Variants in ASTE1 observed in about 807,000 individuals in gnomAD.
ASTE1 encodes the protein asteroid structure-specific endonuclease 1, also known as single-strand DNA endonuclease ASTE1.
Under a neutral mutation model 45.8 loss-of-function variants are expected in ASTE1, and 49 were observed. The observed-to-expected ratio is 1.07, with a 90% CI of 0.85 to 1.36. The LOEUF (loss-of-function observed/expected upper bound fraction) is 1.36. ASTE1 is among the 40% of genes most tolerant of loss of function. The probability of loss-of-function intolerance (pLI) is 0.00; values close to 1 mark genes in which losing one functional copy is unlikely to be tolerated. For missense variants in ASTE1, 709 were observed against 804.0 expected (o/e 0.88, Z 1.43); for synonymous variants, 296 against 303.9 (o/e 0.97, Z 0.27).
intron 3 of ASTE1, among the ~76,000 whole-genome samples, chr3:131,022,921 A>G (rs2063762870): frequency 6.6e-6 from 1 of 152,108 alleles, no homozygotes; most frequent in Non-Finnish European, 1.5e-5. Flanking sequence ...TTTCCTGTGC[A>G]CTGTAAGACT....
Position 131,019,024 on chromosome 3 carries a change from A to G in ASTE1, c.1303-308T>C, listed in dbSNP as rs73871746. Among the ~76,000 whole-genome samples, 1,391 of 152,290 alleles carry G rather than the reference A, an allele frequency of 9.1e-3. 15 individuals carry two copies. The highest frequency in any genetic ancestry group is 0.027 in the African/African-American group (1,102 of 41,560). Reference sequence around the variant, plus strand: ...ACCTGGGAAGCTCATTAAAAATTCAATCCTTAGGCCCTACTCCATAAATTT... The same window carrying G: ...ACCTGGGAAGCTCATTAAAAATTCAGTCCTTAGGCCCTACTCCATAAATTT... On this transcript the variant is annotated intron_variant, in intron 3 of 5. Coordinates refer to ENST00000264992, the MANE Select transcript of ASTE1 (RefSeq NM_014065.4).
chr3:131,014,105 TAAC>T lies in ASTE1; in HGVS notation c.1989_1991del (p.Leu664del), dbSNP rs1311204323. ...TATGTTCCTCTAAGTTTTCAACCAT[TAAC>T]AACCCAAACCGGTTGTTTCCCTCAT... is the stretch of plus-strand genomic sequence containing the variant. On this transcript the variant is annotated inframe_deletion, in exon 6 of 6. Transcript: ENST00000264992. 1 of 1,606,120 alleles carries T rather than the reference TAAC, an allele frequency of 6.2e-7. No individual in the cohort carries two copies. The highest frequency in any genetic ancestry group is 8.5e-7 in the Non-Finnish European group (1 of 1,178,138).
At chr3:131,022,216 A>G (rs373969939) in intron 3 of ASTE1, among the ~76,000 whole-genome samples, 1 of 152,234 alleles carries the variant, frequency 6.6e-6, no homozygotes, top group Non-Finnish European at 1.5e-5. Context: ...TGGAATTATT[A>G]TAAGAAAGAC....
Position 131,025,120 on chromosome 3 carries a change from A to G in ASTE1, c.187T>C (p.Phe63Leu). The change falls in exon 3 of 6, where the codon TTC becomes CTC. Residue 63 changes from phenylalanine to leucine, a missense_variant. Transcript: ENST00000264992. ...TTACAAGCAAACAGTGATTCAAAGA[A>G]TTTTTGTACAACATCTGCAAAAGAA... is the stretch of plus-strand genomic sequence containing the variant. Reference protein sequence around the residue: ...YDSFADVVQKFFESLFACNIC... With the variant: ...YDSFADVVQKLFESLFACNIC... 6.2e-7 allele frequency: 1 copy of G among 1,614,174 alleles called. No homozygotes were observed. The highest frequency in any genetic ancestry group is 8.5e-7 in the Non-Finnish European group (1 of 1,180,026).
Position 131,024,366 on chromosome 3 carries a change from G to T in ASTE1, c.941C>A (p.Thr314Asn). The T allele has an allele frequency of 6.2e-7, 1 of 1,614,234 alleles. No homozygotes were observed. Among genetic ancestry groups the T allele is most frequent in the Non-Finnish European group, 8.5e-7 (1 of 1,180,044 alleles). The change falls in exon 3 of 6, where the codon ACT becomes AAT. Residue 314 changes from threonine (T) to asparagine (N), a missense_variant. By Grantham distance (65) the Thr-to-Asn change is moderately conservative. Transcript: ENST00000264992. ...ATTCAAGGCATCTGGACAGACATAA[G>T]TACCACACTGGAAGAAGTCCTGTAG... ...VKLQDFFQCG[T>N]YVCPDALNLG... is the part of the protein sequence containing the mutation.
In ASTE1 at chr3:131,018,635, G is replaced by T. The variant is rs775345305; in HGVS notation, c.1384C>A (p.Leu462Met). The T allele has an allele frequency of 5.1e-5, 83 of 1,613,998 alleles. No homozygotes were observed. In the East Asian group the frequency reaches 1.6e-3, roughly 32 times the overall value. ...CAACTGACAGCAATGGGCAACTTCA[G>T]TGAAGTAGGGATTGGCTCCAGAATG... ...QTILEPIPTS[L>M]KLPIAVSCYW... The change falls in exon 4 of 6, where the codon CTG becomes ATG. Residue 462 changes from leucine (L) to methionine (M), a missense_variant. Coordinates refer to ENST00000264992, the MANE Select transcript of ASTE1 (RefSeq NM_014065.4).
chr3:131,018,294 A>C (rs2063692052), intron 4 of ASTE1, among the ~76,000 whole-genome samples: 1 of 152,258 alleles, frequency 6.6e-6, no homozygotes, highest in Non-Finnish European at 1.5e-5. Flanking sequence ...CTGTATACTT[A>C]AGATTCAAGC....
At chr3:131,021,970 C>T (rs1340470286) in intron 3 of ASTE1, among the ~76,000 whole-genome samples, 2 of 152,086 alleles carry the variant, frequency 1.3e-5, no homozygotes, top group Non-Finnish European at 2.9e-5. Flanking sequence ...TAATAAATCC[C>T]TTGTTTGAGA....
In ASTE1 at chr3:131,014,261, C is replaced by A. The variant is rs1422207542; in HGVS notation, c.1836G>T (p.Arg612Ser). 1.2e-6 allele frequency: 2 copies of A among 1,613,688 alleles called. No individual in the cohort carries two copies. The highest frequency in any genetic ancestry group is 2.7e-5 in the African/African-American group (2 of 74,808). ...GGAATATTTCAGCGGGGGCATATGA[C>A]CTTGTGGCATTGAATAGATATTCAT... Reference protein sequence around the residue: ...QLYEYLFNATRSYAPAEIFLP... With the variant: ...QLYEYLFNATSSYAPAEIFLP... Residue 612 changes from arginine (R) to serine (S), a missense_variant, in exon 6 of 6, where the codon AGG (arginine) becomes AGT (serine). Physicochemically the swap from Arg to Ser is moderately radical, Grantham distance 110. Transcript: ENST00000264992.
Position 131,018,528 on chromosome 3 carries a change from C to T in ASTE1, c.1491G>A (p.Leu497=). The change falls in exon 4 of 6, where the codon TTG becomes TTA. Residue 497 remains leucine, a synonymous_variant. Transcript: ENST00000264992. ...SLLLTMLVGP[L]IAIINSPGKE... is the part of the protein sequence containing the mutation. ...TACCAGGGCTGTTGATTATGGCAAT[C>T]AAGGGCCCCACTAGCATTGTGAGCA... 1 of 1,613,990 alleles carries T rather than the reference C, an allele frequency of 6.2e-7. No individual in the cohort carries two copies.
chr3:131,018,390 G>A, intron 4 of ASTE1, 116 bp downstream of exon 4: 1 of 1,023,846 alleles, frequency 9.8e-7, no homozygotes, highest in Non-Finnish European at 1.5e-6. Context: ...CATCTAAGTT[G>A]TGATACAATT....
intron 3 of ASTE1, among the ~76,000 whole-genome samples, chr3:131,022,205 AT>A (rs1320473776): frequency 6.6e-6 from 1 of 152,210 alleles, no homozygotes; most frequent in Admixed American, 6.5e-5. Flanking sequence ...AGCTATGTTT[AT>A]GGAATTATTA....
intron 5 of ASTE1, chr3:131,015,130 T>G: frequency 3.0e-6 from 2 of 658,204 alleles, no homozygotes; most frequent in Non-Finnish European, 5.5e-6. Context: ...AGCTCAGATA[T>G]AAGGCCCAGA....
At chr3:131,018,846 G>A (rs2063705246) in intron 3 of ASTE1, 130 bp from the exon 4 acceptor site, 1 of 900,682 alleles carries the variant, frequency 1.1e-6, no homozygotes, top group Non-Finnish European at 1.7e-6. Flanking sequence ...CTTCTTGTGG[G>A]AAAAAAAATC....
At chr3:131,026,094 G>A (rs878900764) in intron 1 of ASTE1, 3 of 145,834 alleles carry the variant, frequency 2.1e-5, no homozygotes, top group African/African-American at 7.5e-5. Flanking sequence ...GGCACAGCAC[G>A]GTACTGTTAC....
intron 4 of ASTE1, among the ~76,000 whole-genome samples, chr3:131,018,223 G>A (rs954502019): frequency 1.9e-4 from 29 of 152,168 alleles, no homozygotes; most frequent in African/African-American, 6.5e-4. Context: ...CAATTCACAA[G>A]TTAAAGGAGT....
rs1357815982 is a variant in ASTE1, at chr3:131,024,953, G to A, written c.354C>T (p.Leu118=). ...VGGSGYVCPL[L]IREVFIQVLI... The stretch of plus-strand genomic sequence containing the variant: ...AAACCTGTATGAATACTTCCCGGAT[G>A]AGTAAGGGACATACGTACCCACTCC... The change falls in exon 3 of 6, where the codon CTC becomes CTT. Residue 118 remains leucine (L), a synonymous_variant. Transcript: ENST00000264992. 50 of 1,612,356 alleles carry A rather than the reference G, an allele frequency of 3.1e-5. No homozygotes were observed. Among genetic ancestry groups the A allele is most frequent in the Non-Finnish European group, 4.1e-5 (48 of 1,179,008 alleles).
chr3:131,018,748 A>G (rs193049914), intron 3 of ASTE1, 32 bp from the exon 4 acceptor site: 202 of 1,600,882 alleles, frequency 1.3e-4, no homozygotes, highest in Non-Finnish European at 1.6e-4. Context: ...CCTGCAAGTT[A>G]CTTTGGGAAA....
chr3:131,025,166 G>A lies in ASTE1; in HGVS notation c.141C>T (p.Leu47=). Residue 47 remains leucine, a synonymous_variant, in exon 3 of 6, where the codon CTC becomes CTT. Transcript: ENST00000264992. Reference sequence around the variant, plus strand: ...AAGAATCATAGTCCCCTCCATACCGGAGATCCAAGTTTGAACTGAAGCAAA... The same window carrying A: ...AAGAATCATAGTCCCCTCCATACCGAAGATCCAAGTTTGAACTGAAGCAAA... ...HRLCFSSNLD[L]RYGGDYDSFA... The A allele has an allele frequency of 6.2e-7, 1 of 1,614,178 alleles. No homozygotes were observed. Among genetic ancestry groups the A allele is most frequent in the Non-Finnish European group, 8.5e-7 (1 of 1,180,040 alleles).
Sources: gnomAD v4.1 joint callset for allele counts (sites outside exome capture counted in the v4.1 genomes callset) on GRCh38, gnomAD v4.1.1 for gene constraint, MANE v1.5 for transcripts, NCBI Gene and HGNC (gene_info 2026-07-23, HGNC 2026-07-21) for gene names.